The following YBEY variants were observed in gnomAD, a reference collection of about 807,000 sequenced individuals.
The protein encoded by YBEY is ybeY metalloendoribonuclease, also known as endoribonuclease YbeY.
YBEY carries 15 observed loss-of-function variants against 13.5 expected under a neutral mutation model. That is an observed-to-expected ratio of 1.11 (90% CI 0.75 to 1.72). The LOEUF (loss-of-function observed/expected upper bound fraction) is 1.72, where lower values mean the gene tolerates loss of function less well. YBEY is among the 40% of genes most tolerant of loss of function. The pLI is 0.00. For missense variants in YBEY, 244 were observed against 208.4 expected (o/e 1.17, Z -1.05); for synonymous variants, 101 against 83.1 (o/e 1.21, Z -1.17).
intron 2 of YBEY, among the ~76,000 whole-genome samples, chr21:46,290,073 C>T (rs1443399938): frequency 1.0e-5 from 1 of 99,324 alleles, no homozygotes; most frequent in Non-Finnish European, 2.1e-5. Flanking sequence ...CAGTTTTTGC[C>T]ATCTTTAGTG....
downstream of YBEY, chr21:46,300,761 C>T (rs1461058545): frequency 8.5e-6 from 11 of 1,289,286 alleles, no homozygotes; most frequent in Non-Finnish European, 1.1e-5. Flanking sequence ...AGGGTTCCTC[C>T]TTGTGCGGAA....
chr21:46,288,576 G>A (rs560413315), intron 2 of YBEY, among the ~76,000 whole-genome samples: 1 of 152,302 alleles, frequency 6.6e-6, no homozygotes, highest in South Asian at 2.1e-4. Flanking sequence ...CTACTCGGGA[G>A]GCTGAGGCAG....
At chr21:46,301,438 A>C, downstream of YBEY, 1 of 975,306 alleles carries the variant, frequency 1.0e-6, no homozygotes, top group African/African-American at 1.8e-5. Context: ...TGAGCCATGC[A>C]CCCCTACTTC....
At chr21:46,300,757 C>T (rs973697958), downstream of YBEY, 3 of 1,289,490 alleles carry the variant, frequency 2.3e-6, no homozygotes, top group Non-Finnish European at 3.0e-6. Flanking sequence ...GGACAGGGTT[C>T]CTCCTTGTGC....
intron 2 of YBEY, among the ~76,000 whole-genome samples, chr21:46,288,760 A>G (rs1466727566): frequency 6.6e-6 from 1 of 151,986 alleles, no homozygotes; most frequent in Non-Finnish European, 1.5e-5. Context: ...GGCTGGGCCT[A>G]TAATCCCAGC....
chr21:46,291,267 G>A (rs2145789106), intron 2 of YBEY, 67 bp from the exon 3 acceptor site: 4 of 1,586,178 alleles, frequency 2.5e-6, no homozygotes, highest in South Asian at 2.2e-5. Context: ...TAACCAGGAT[G>A]AAACCTGTCA....
At chr21:46,312,257 G>T in the YBEY span, among the ~76,000 whole-genome samples, 2 of 152,126 alleles carry the variant, frequency 1.3e-5, no homozygotes, top group South Asian at 4.1e-4. Context: ...TCTTTAGCGG[G>T]GTGGGCTGAG....
downstream of YBEY, chr21:46,302,005 T>C: frequency 6.5e-7 from 1 of 1,530,168 alleles, no homozygotes; most frequent in South Asian, 1.2e-5. Context: ...ACACTCAGGG[T>C]GGGCCAGGCG....
intron 3 of YBEY, among the ~76,000 whole-genome samples, chr21:46,295,487 T>TTCCTCC (rs143683373): frequency 1.3e-5 from 2 of 151,656 alleles, no homozygotes; most frequent in Non-Finnish European, 2.9e-5. Context: ...CTCCCTCCTC[T>TTCCTCC]TCCTCCTCCT....
At chr21:46,298,647 T>C (rs1217532609), downstream of YBEY, among the ~76,000 whole-genome samples, 1 of 151,650 alleles carries the variant, frequency 6.6e-6, no homozygotes, top group Non-Finnish European at 1.5e-5. Context: ...GCCAGGATGG[T>C]CTCCATCTCC....
chr21:46,303,731 ATATATATATATATAT>A, the YBEY span, among the ~76,000 whole-genome samples: 1 of 28,432 alleles, frequency 3.5e-5, no homozygotes, highest in Admixed American at 4.4e-4. Context: ...ATATATATAT[ATATATATATATATAT>A]TTTTTTTTTT....
downstream of YBEY, chr21:46,302,115 T>A: frequency 6.6e-7 from 1 of 1,522,058 alleles, no homozygotes. Context: ...AGCCTTGGCC[T>A]GGCAGCTCGT....
chr21:46,296,669 T>C (rs1208316157), intron 4 of YBEY, among the ~76,000 whole-genome samples: 1 of 152,150 alleles, frequency 6.6e-6, no homozygotes, highest in East Asian at 1.9e-4. Flanking sequence ...ACTGCTTCTC[T>C]GAAAGTCATG....
rs759499681 is a variant in YBEY at position 46,296,162 on chromosome 21, G to C, written c.340G>C (p.Val114Leu). Residue 114 changes from valine (V) to leucine (L), a missense_variant and splice_region_variant, in exon 4 of 5, where the codon GTG becomes CTG. Transcript: ENST00000397701. ...AGCCGGTTTAAAATTATTCTGACAG[G>C]TGACGGCCACCCACGGACTCTGTCA... The part of the protein sequence containing the change: ...ENEDYNDVLT[V>L]TATHGLCHLL... The C allele has an allele frequency of 6.2e-7, 1 of 1,613,788 alleles. No homozygotes were observed. The highest frequency in any genetic ancestry group is 1.1e-5 in the South Asian group (1 of 91,092).
At position 46,286,981 on chromosome 21, in the gene YBEY, T is replaced by A. The variant is rs1485648464; in HGVS notation, c.68T>A (p.Ile23Asn). The A allele has an allele frequency of 6.2e-7, 1 of 1,614,124 alleles. No homozygotes were observed. Residue 23 changes from isoleucine (I) to asparagine (N), a missense_variant, in exon 2 of 5, where the codon ATC becomes AAC. By Grantham distance (149) the Ile-to-Asn change is moderately radical (BLOSUM62 -3). Coordinates refer to ENST00000397701, the MANE Select transcript of YBEY (RefSeq NM_001314025.2). ...PIRRAPLRSK[I>N]EIVRRILGVQ... is the part of the protein sequence containing the mutation. ...AGGAGAGCGCCACTTCGCAGTAAGA[T>A]CGAGATTGTAAGGAGGATTTTAGGA...
intron 3 of YBEY, among the ~76,000 whole-genome samples, chr21:46,294,867 G>A (rs1470800813): frequency 6.6e-6 from 1 of 152,212 alleles, no homozygotes; most frequent in Non-Finnish European, 1.5e-5. Context: ...CGCCCTTGTG[G>A]ATCCAAGTGC....
At chr21:46,301,607 T>C (rs1366287420), downstream of YBEY, 6 of 1,016,282 alleles carry the variant, frequency 5.9e-6, no homozygotes, top group Non-Finnish European at 7.1e-6. Context: ...CTTAAACTCT[T>C]TCTGGATGAA....
At chr21:46,287,565 A>G (rs1396416655) in intron 2 of YBEY, among the ~76,000 whole-genome samples, 1 of 152,224 alleles carries the variant, frequency 6.6e-6, no homozygotes, top group Non-Finnish European at 1.5e-5. Flanking sequence ...TATATGTTAC[A>G]GACATGATTT....
chr21:46,292,433 G>C (rs1488750916), intron 3 of YBEY, among the ~76,000 whole-genome samples: 1 of 152,220 alleles, frequency 6.6e-6, no homozygotes, highest in African/African-American at 2.4e-5. Flanking sequence ...CTTCGGTCTT[G>C]AGCAAGGAGG....
Sources: allele counts gnomAD v4.1 joint callset (sites outside exome capture counted in the v4.1 genomes callset), GRCh38; gene constraint gnomAD v4.1.1; transcripts MANE v1.5; gene names NCBI Gene and HGNC (gene_info 2026-07-23, HGNC 2026-07-21).